Variants in PYROXD1 observed in about 807,000 individuals in gnomAD.
PYROXD1 encodes the protein pyridine nucleotide-disulphide oxidoreductase domain 1.
A neutral mutation model predicts 62.0 loss-of-function variants in PYROXD1; 42 were observed. The ratio of observed to expected loss-of-function variants is 0.68; its 90% CI spans 0.53 to 0.88. PYROXD1 has a LOEUF of 0.88. Ranked by LOEUF, PYROXD1 falls within the 40% of genes least tolerant of loss-of-function variation. The probability of loss-of-function intolerance (pLI) is 0.00; values close to 1 mark genes in which losing one functional copy is unlikely to be tolerated. For missense variants in PYROXD1, 493 were observed against 604.8 expected, an observed-to-expected ratio of 0.82 and a Z score of 1.94; for synonymous variants, 170 against 206.4, an observed-to-expected ratio of 0.82 and a Z score of 1.51.
chr12:21,448,265 G>A (rs1942429555), intron 3 of PYROXD1: 1 of 386,866 alleles, frequency 2.6e-6, no homozygotes, highest in Admixed American at 3.9e-5. Context: ...AGGAACTTCA[G>A]TAGTTTCCTA....
At chr12:21,438,410 A>G (rs1476885646) in intron 1 of PYROXD1, 1 of 152,348 alleles carries the variant, frequency 6.6e-6, no homozygotes, top group Non-Finnish European at 1.5e-5. Flanking sequence ...AAGTGCTGGC[A>G]TTACAGGCCT....
chr12:21,448,557 C>T (rs2159947), intron 3 of PYROXD1, among the ~76,000 whole-genome samples: 74,919 of 152,036 alleles, frequency 0.49, 18,518 homozygotes, highest in Middle Eastern at 0.59. Flanking sequence ...AAAATTTCTA[C>T]ATGGATTATG....
At chr12:21,455,318 T>C in intron 6 of PYROXD1, 26 bp downstream of exon 6, 1 of 1,380,688 alleles carries the variant, frequency 7.2e-7, no homozygotes, top group Non-Finnish European at 9.5e-7. Context: ...AGCTCATTAA[T>C]TCTCATACAA....
rs1942221839 is a variant in PYROXD1 at position 21,437,914 on chromosome 12, T to G, written c.84+100T>G. On this transcript the variant is annotated intron_variant, in intron 1 of 11. Coordinates refer to ENST00000240651, the MANE Select transcript of PYROXD1 (RefSeq NM_024854.5). ...CCCCTCCCTTTTTCTTCTTCCGGGTTCCTTTTTTGCTGCGCCCTTTTCCGC... is the reference window on the plus strand; with the variant it reads ...CCCCTCCCTTTTTCTTCTTCCGGGTGCCTTTTTTGCTGCGCCCTTTTCCGC... 9.6e-6 allele frequency: 11 copies of G among 1,146,100 alleles called. No homozygotes were observed. In the South Asian group the frequency reaches 1.5e-4, roughly 16 times the overall value. The allele number at this position is 1,146,100 out of a possible 1,614,324, so 71.0% of individuals were successfully genotyped here.
intron 1 of PYROXD1, 38 bp from the exon 2 acceptor site, chr12:21,440,330 A>G (rs1173966021): frequency 8.3e-7 from 1 of 1,208,552 alleles, no homozygotes. Context: ...ACTTAAAGTA[A>G]TTTGTCCTAA....
At chr12:21,458,601 C>G (rs1318044305) in intron 7 of PYROXD1, among the ~76,000 whole-genome samples, 1 of 152,138 alleles carries the variant, frequency 6.6e-6, no homozygotes, top group African/African-American at 2.4e-5. Flanking sequence ...ATGTGTGATC[C>G]TTACTTTCAC....
At position 21,471,212 on chromosome 12, in the gene PYROXD1, T is replaced by A; in HGVS notation, c.*2458T>A. Reference sequence around the variant, plus strand: ...TTCTTAACACATTGACTTGAAATAATAAAATTTACAAGAATGCAAATAAAG... The same window carrying A: ...TTCTTAACACATTGACTTGAAATAAAAAAATTTACAAGAATGCAAATAAAG... On this transcript the variant is annotated 3_prime_UTR_variant, in exon 12 of 12. Transcript: ENST00000240651. 8.6e-7 allele frequency: 1 copy of A among 1,159,464 alleles called. No homozygotes were observed. Among genetic ancestry groups the A allele is most frequent in the Non-Finnish European group, 1.2e-6 (1 of 837,000 alleles). 71.8% of individuals were successfully genotyped at this position (1,159,464 alleles called of 1,614,324 possible).
chr12:21,465,519 T>G (rs905870847), intron 10 of PYROXD1, among the ~76,000 whole-genome samples: 4 of 151,552 alleles, frequency 2.6e-5, no homozygotes, highest in Admixed American at 6.6e-5. Flanking sequence ...ATGGGGTTGT[T>G]TTTTTTTTGT....
At position 21,467,654 on chromosome 12, in the gene PYROXD1, T is replaced by G. The variant is rs772264146; in HGVS notation, c.1254+36T>G. 4.7e-6 allele frequency: 7 copies of G among 1,501,660 alleles called. No individual in the cohort carries two copies. In the East Asian group the frequency reaches 1.4e-4, roughly 30 times the overall value. The allele number at this position is 1,501,660 out of a possible 1,614,324, so 93.0% of individuals were successfully genotyped here. On this transcript the variant is annotated intron_variant, in intron 11 of 11. Transcript: ENST00000240651. ...TAAGCATATTAATGCCTTCTCTGCTTGTTAGTCTTATGACTATGATAAATC... is the reference window on the plus strand; with the variant it reads ...TAAGCATATTAATGCCTTCTCTGCTGGTTAGTCTTATGACTATGATAAATC...
At chr12:21,447,162 T>G (rs1942405690) in intron 3 of PYROXD1, among the ~76,000 whole-genome samples, 2 of 152,166 alleles carry the variant, frequency 1.3e-5, no homozygotes, top group South Asian at 4.1e-4. Flanking sequence ...TGTAGTTGTT[T>G]CTATAAGCAG....
In PYROXD1 at chr12:21,455,458, T is replaced by C. The variant is rs7974743; in HGVS notation, c.649+166T>C. On this transcript the variant is annotated intron_variant, in intron 6 of 11. Transcript: ENST00000240651. ...ATTTTCTATTTTATATATATGTATG[T>C]ATTTTATATATATATATATAATTAA... Among the ~76,000 whole-genome samples, 73,317 of 148,604 alleles carry C rather than the reference T, an allele frequency of 0.49. 18,091 individuals are homozygous for C. Among genetic ancestry groups the C allele is most frequent in the Middle Eastern group, 0.58 (164 of 282 alleles).
intron 10 of PYROXD1, among the ~76,000 whole-genome samples, chr12:21,464,232 T>A (rs1942750764): frequency 6.6e-6 from 1 of 151,934 alleles, no homozygotes; most frequent in African/African-American, 2.4e-5. Flanking sequence ...AATAAACAGA[T>A]GGCCTTGTTT....
chr12:21,465,866 G>A (rs529262960), intron 10 of PYROXD1, among the ~76,000 whole-genome samples: 10 of 152,220 alleles, frequency 6.6e-5, no homozygotes, highest in African/African-American at 7.2e-5. Flanking sequence ...AAGGGATCCC[G>A]TTTCAGCTTT....
chr12:21,461,045 T>G lies in PYROXD1; in HGVS notation c.771T>G (p.Leu257=), dbSNP rs537511220. 2 of 1,549,006 alleles carry G rather than the reference T, an allele frequency of 1.3e-6. No individual in the cohort carries two copies. The highest frequency in any genetic ancestry group is 1.8e-6 in the Non-Finnish European group (2 of 1,142,534). The change falls in exon 8 of 12, where the codon CTT becomes CTG. Residue 257 remains leucine (L), a synonymous_variant. Transcript: ENST00000240651. ...GTKEFSHKIH[L]ETMCEVKKIY... is the part of the protein sequence containing the mutation. ...TTTAGTTTTCTCATAAGATTCACCT[T>G]GAAACTATGTGTGAAGTAAAGAAAA...
Position 21,470,483 on chromosome 12 carries a change from T to C in PYROXD1, c.*1729T>C, listed in dbSNP as rs1367429243. ...AAGTATACAGGGGTCTAGTTTTTTATCTACAAATTTCTATTCAAATATGAG... is the reference window on the plus strand; with the variant it reads ...AAGTATACAGGGGTCTAGTTTTTTACCTACAAATTTCTATTCAAATATGAG... On this transcript the variant is annotated 3_prime_UTR_variant, in exon 12 of 12. Transcript: ENST00000240651. The C allele has an allele frequency of 3.9e-6, 4 of 1,025,878 alleles. No individual in the cohort carries two copies. Among genetic ancestry groups the C allele is most frequent in the East Asian group, 5.6e-5 (2 of 35,454 alleles). The allele number at this position is 1,025,878 out of a possible 1,614,324, so 63.5% of individuals were successfully genotyped here. A position where few individuals can be genotyped will look rare whatever the true frequency, so the allele number is the denominator to read the frequency against.
chr12:21,456,855 A>G, intron 7 of PYROXD1: 1 of 454,878 alleles, frequency 2.2e-6, no homozygotes, highest in Non-Finnish European at 4.4e-6. Flanking sequence ...TAAATCCTTC[A>G]TCATTTCAGC....
intron 9 of PYROXD1, 71 bp from the exon 10 acceptor site, chr12:21,462,669 C>A (rs893080321): frequency 1.3e-6 from 2 of 1,536,820 alleles, no homozygotes; most frequent in African/African-American, 1.4e-5. Flanking sequence ...TTAATTTGTT[C>A]TTTTACTTTA....
intron 2 of PYROXD1, among the ~76,000 whole-genome samples, chr12:21,442,720 C>G (rs1458171362): frequency 6.6e-6 from 1 of 152,186 alleles, no homozygotes; most frequent in Non-Finnish European, 1.5e-5. Flanking sequence ...GTCTCCCACT[C>G]TAGGGTTCCC....
At position 21,468,633 on chromosome 12, in the gene PYROXD1, T is replaced by G; in HGVS notation, c.1382T>G (p.Leu461Ter). The G allele has an allele frequency of 6.2e-7, 1 of 1,613,048 alleles. No homozygotes were observed. Among genetic ancestry groups the G allele is most frequent in the Non-Finnish European group, 8.5e-7 (1 of 1,179,378 alleles). The change falls in exon 12 of 12, where the codon TTA becomes TGA. Residue 461 changes from leucine to a stop codon, truncating the protein, a stop_gained. Coordinates refer to ENST00000240651, the MANE Select transcript of PYROXD1 (RefSeq NM_024854.5). LOFTEE classifies it high-confidence loss of function. Reference sequence around the variant, plus strand: ...AATGGACGAATGATGGGAGCTGTCTTAATTGGTGAAACCGATTTAGAAGAA... The same window carrying G: ...AATGGACGAATGATGGGAGCTGTCTGAATTGGTGAAACCGATTTAGAAGAA... ...MQNGRMMGAVLIGETDLEETF... is the reference protein window; with the variant it reads ...MQNGRMMGAV
Sources: allele counts gnomAD v4.1 joint callset (sites outside exome capture counted in the v4.1 genomes callset), GRCh38; gene constraint gnomAD v4.1.1; transcripts MANE v1.5; gene names NCBI Gene and HGNC (gene_info 2026-07-23, HGNC 2026-07-21).